SIDT1: variants seen among roughly 807,000 people sequenced by gnomAD.
SIDT1 encodes the protein SID1 transmembrane family member 1.
A neutral mutation model predicts 107.5 loss-of-function variants in SIDT1; 101 were observed. That is an observed-to-expected ratio of 0.94 (90% CI 0.80 to 1.11). SIDT1 has a LOEUF of 1.11. Ranked by LOEUF, SIDT1 falls within the 50% of genes least tolerant of loss-of-function variation. SIDT1 has a pLI of 0.00. For missense variants in SIDT1, 1,076 were observed against 1,058.2 expected (o/e 1.02, Z -0.23); for synonymous variants, 395 against 398.2 (o/e 0.99, Z 0.10).
Position 113,532,769 on chromosome 3 carries a change from C to T in SIDT1, c.-253C>T, listed in dbSNP as rs1487437364. The stretch of plus-strand genomic sequence containing the variant: ...TAGAAGCCGGAGGAAAATCAGCAGC[C>T]CCACATCTCCACTTCTCCAGTCCGC... On this transcript the variant is annotated 5_prime_UTR_variant, in exon 1 of 25. Coordinates refer to ENST00000264852, the MANE Select transcript of SIDT1 (RefSeq NM_017699.3). 1 of 375,504 alleles carries T rather than the reference C, an allele frequency of 2.7e-6. No individual in the cohort carries two copies. Among genetic ancestry groups the T allele is most frequent in the Admixed American group, 4.6e-5 (1 of 21,762 alleles). 23.3% of individuals were successfully genotyped at this position (375,504 alleles called of 1,614,324 possible). A position where few individuals can be genotyped will look rare whatever the true frequency, so the allele number is the denominator to read the frequency against.
chr3:113,539,141 A>G (rs1294028081), intron 1 of SIDT1, among the ~76,000 whole-genome samples: 3 of 152,226 alleles, frequency 2.0e-5, no homozygotes, highest in Admixed American at 6.5e-5. Context: ...TACCTTTACC[A>G]ATTTTTAAAA....
chr3:113,611,076 A>G lies in SIDT1; in HGVS notation c.1789A>G (p.Ile597Val). The change falls in exon 18 of 25, where the codon ATC becomes GTC. Residue 597 changes from isoleucine to valine, a missense_variant. Physicochemically the swap from Ile to Val is conservative, Grantham distance 29. Transcript: ENST00000264852. The part of the protein sequence containing the change: ...LKLYQTRHPD[I>V]NASAYSAYAS... ...GCTCTATCAGACCCGCCACCCAGACATCAATGCCAGCGCCTACTCTGCCTA... is the reference window on the plus strand; with the variant it reads ...GCTCTATCAGACCCGCCACCCAGACGTCAATGCCAGCGCCTACTCTGCCTA... 5.0e-6 allele frequency: 8 copies of G among 1,614,126 alleles called. No individual in the cohort carries two copies. Among genetic ancestry groups the G allele is most frequent in the Non-Finnish European group, 5.1e-6 (6 of 1,180,002 alleles).
intron 5 of SIDT1, among the ~76,000 whole-genome samples, chr3:113,581,089 G>GT (rs1943297102): frequency 6.6e-6 from 1 of 152,064 alleles, no homozygotes; most frequent in African/African-American, 2.4e-5. Flanking sequence ...CTCCTGAGGT[G>GT]TTAACGAAAA....
intron 8 of SIDT1, 137 bp from the exon 9 acceptor site, chr3:113,585,040 C>T: frequency 3.0e-6 from 2 of 676,472 alleles, no homozygotes; most frequent in Non-Finnish European, 5.1e-6. Context: ...CCTCCAGTAG[C>T]AGTTTTGCTG....
chr3:113,582,534 T>G (rs1339952723), intron 6 of SIDT1, among the ~76,000 whole-genome samples: 1 of 152,168 alleles, frequency 6.6e-6, no homozygotes, highest in Non-Finnish European at 1.5e-5. Flanking sequence ...GAAAAATAAC[T>G]ATAGTAGGGA....
intron 1 of SIDT1, among the ~76,000 whole-genome samples, chr3:113,555,241 T>A (rs1276602668): frequency 6.6e-6 from 1 of 152,196 alleles, no homozygotes; most frequent in Non-Finnish European, 1.5e-5. Context: ...TTCCTACTCA[T>A]CCTTTAGGAC....
chr3:113,548,354 C>G (rs1419578795), intron 1 of SIDT1, among the ~76,000 whole-genome samples: 1 of 152,072 alleles, frequency 6.6e-6, no homozygotes, highest in Non-Finnish European at 1.5e-5. Flanking sequence ...TAGTTTCACC[C>G]TCTGAAAATA....
chr3:113,580,754 T>G (rs914883599), intron 5 of SIDT1, 45 bp downstream of exon 5: 1 of 1,204,410 alleles, frequency 8.3e-7, no homozygotes, highest in African/African-American at 1.5e-5. Context: ...GAGCATTATA[T>G]TATTCCAGAA....
chr3:113,533,216 T>C lies in SIDT1; in HGVS notation c.195T>C (p.Ser65=). 1 of 1,511,372 alleles carries C rather than the reference T, an allele frequency of 6.6e-7. No homozygotes were observed. Among genetic ancestry groups the C allele is most frequent in the Non-Finnish European group, 8.9e-7 (1 of 1,127,448 alleles). The allele number at this position is 1,511,372 out of a possible 1,614,324, so 93.6% of individuals were successfully genotyped here. The change falls in exon 1 of 25, where the codon TCT becomes TCC. Residue 65 remains serine, a synonymous_variant. Transcript: ENST00000264852. ...ACCTCAGCACCGAGAACATCTACTCTTTCAACTACACCAGCCAGCCCGACC... is the reference window on the plus strand; with the variant it reads ...ACCTCAGCACCGAGAACATCTACTCCTTCAACTACACCAGCCAGCCCGACC... ...VVNLSTENIY[S]FNYTSQPDQV... is the part of the protein sequence containing the mutation.
chr3:113,554,690 A>G (rs1464719482), intron 1 of SIDT1, among the ~76,000 whole-genome samples: 1 of 152,166 alleles, frequency 6.6e-6, no homozygotes, highest in African/African-American at 2.4e-5. Flanking sequence ...ATGAAAATGG[A>G]CTAATACATC....
intron 16 of SIDT1, 51 bp downstream of exon 16, chr3:113,608,268 T>A: frequency 1.3e-6 from 2 of 1,555,346 alleles, no homozygotes; most frequent in African/African-American, 1.4e-5. Flanking sequence ...CCAAACAGGA[T>A]CTGCAAAGGG....
chr3:113,590,848 T>C (rs1049651171), intron 9 of SIDT1, among the ~76,000 whole-genome samples: 4 of 152,150 alleles, frequency 2.6e-5, no homozygotes, highest in African/African-American at 7.2e-5. Flanking sequence ...TGTGCATGGA[T>C]TGGAAGATTT....
At position 113,562,505 on chromosome 3, in the gene SIDT1, G is replaced by T. The variant is rs1941526294; in HGVS notation, c.223-3915G>T. 4.6e-5 allele frequency among the ~76,000 whole-genome samples: 7 copies of T among 152,210 alleles called. No individual in the cohort carries two copies. The South Asian group carries it at 1.4e-3, about 32-fold the overall frequency. ...CTGAAGAATGGATAAACAGGATGTGGTATGTGCATGCAATGTAATATTATT... is the reference window on the plus strand; with the variant it reads ...CTGAAGAATGGATAAACAGGATGTGTTATGTGCATGCAATGTAATATTATT... On this transcript the variant is annotated intron_variant, in intron 1 of 24. Transcript: ENST00000264852.
chr3:113,543,762 A>G (rs1285728132), intron 1 of SIDT1, among the ~76,000 whole-genome samples: 1 of 152,244 alleles, frequency 6.6e-6, no homozygotes, highest in African/African-American at 2.4e-5. Flanking sequence ...AAGTAAGAAC[A>G]GTATAAAGAA....
At chr3:113,565,332 G>A (rs1251224445) in intron 1 of SIDT1, among the ~76,000 whole-genome samples, 2 of 151,958 alleles carry the variant, frequency 1.3e-5, no homozygotes, top group Non-Finnish European at 1.5e-5. Context: ...AGCAGTTCGA[G>A]ACCAGCCTGG....
intron 10 of SIDT1, among the ~76,000 whole-genome samples, chr3:113,596,569 G>A (rs565639373): frequency 2.2e-4 from 33 of 152,246 alleles, no homozygotes; most frequent in Admixed American, 2.1e-3. Context: ...ATGAATGACT[G>A]GACCCTGTAT....
chr3:113,553,463 G>T (rs999932701), intron 1 of SIDT1, among the ~76,000 whole-genome samples: 1 of 152,148 alleles, frequency 6.6e-6, no homozygotes. Context: ...AATAGCTCTA[G>T]AAGATACTTG....
In SIDT1 at chr3:113,611,184, G is replaced by GC. The variant is rs551249946; in HGVS notation, c.1857+46dup. ...TTCTTCCACCTGGCTCTCGAAAAGT[G>GC]CCCCCCTAGGTCCAATAAACAAACA... On this transcript the variant is annotated intron_variant, in intron 18 of 24. Transcript: ENST00000264852. 3.1e-6 allele frequency: 5 copies of GC among 1,605,454 alleles called. No individual in the cohort carries two copies. The South Asian group carries it at 3.3e-5, about 11-fold the overall frequency.
At chr3:113,540,680 GC>G (rs1392873942) in intron 1 of SIDT1, among the ~76,000 whole-genome samples, 1 of 152,120 alleles carries the variant, frequency 6.6e-6, no homozygotes, top group Non-Finnish European at 1.5e-5. Context: ...TCAAAGCATA[GC>G]TTCTGTCCTT....
Sources: allele counts gnomAD v4.1 joint callset (sites outside exome capture counted in the v4.1 genomes callset), GRCh38; gene constraint gnomAD v4.1.1; transcripts MANE v1.5; gene names NCBI Gene and HGNC (gene_info 2026-07-23, HGNC 2026-07-21).